MARCHF1: variants seen among roughly 807,000 people sequenced by gnomAD.
MARCHF1 encodes membrane associated ring-CH-type finger 1, also known as E3 ubiquitin-protein ligase MARCHF1.
MARCHF1 carries 40 observed loss-of-function variants against 54.2 expected under a neutral mutation model. That is an observed-to-expected ratio of 0.74 (90% CI 0.57 to 0.96). The LOEUF (loss-of-function observed/expected upper bound fraction) is 0.96, where lower values mean the gene tolerates loss of function less well. Ranked by LOEUF, MARCHF1 falls within the 40% of genes least tolerant of loss-of-function variation. MARCHF1 has a pLI of 0.00. For missense variants in MARCHF1, 586 were observed against 656.5 expected (o/e 0.89, Z 1.17); for synonymous variants, 236 against 236.3 (o/e 1.00, Z 0.01).
At chr4:163,746,888 C>T (rs1746378051) in intron 4 of MARCHF1, among the ~76,000 whole-genome samples, 1 of 152,152 alleles carries the variant, frequency 6.6e-6, no homozygotes, top group African/African-American at 2.4e-5. Context: ...GATTGAGGCT[C>T]CTTTCTCAGA....
At chr4:163,641,546 G>A (rs921820990) in intron 5 of MARCHF1, among the ~76,000 whole-genome samples, 1 of 152,134 alleles carries the variant, frequency 6.6e-6, no homozygotes, top group African/African-American at 2.4e-5. Context: ...TAATTCCTGT[G>A]TTCATACAGG....
chr4:164,049,550 A>C (rs893062152), intron 2 of MARCHF1, among the ~76,000 whole-genome samples: 1 of 152,316 alleles, frequency 6.6e-6, no homozygotes, highest in South Asian at 2.1e-4. Flanking sequence ...GATACAAAAC[A>C]TAATTTAGTA....
At chr4:163,680,454 A>T (rs970675174) in intron 5 of MARCHF1, among the ~76,000 whole-genome samples, 4 of 152,112 alleles carry the variant, frequency 2.6e-5, no homozygotes, top group Admixed American at 6.5e-5. Flanking sequence ...TCTTTGTCAA[A>T]CCTAATAATC....
At chr4:163,701,668 T>C (rs1057357365) in intron 4 of MARCHF1, among the ~76,000 whole-genome samples, 5 of 152,028 alleles carry the variant, frequency 3.3e-5, no homozygotes, top group Non-Finnish European at 7.4e-5. Context: ...AAAATCAGAG[T>C]TTATAAGCAT....
chr4:163,821,033 C>T (rs549348944), intron 4 of MARCHF1, among the ~76,000 whole-genome samples: 404 of 152,178 alleles, frequency 2.7e-3, no homozygotes, highest in Non-Finnish European at 4.2e-3. Flanking sequence ...GGTCCTGGCT[C>T]CACCTCTCTA....
chr4:163,920,716 C>G (rs546114792), intron 3 of MARCHF1, among the ~76,000 whole-genome samples: 6 of 152,190 alleles, frequency 3.9e-5, no homozygotes, highest in African/African-American at 1.4e-4. Flanking sequence ...GGGCCAAGAG[C>G]TGGGAAACAT....
intron 5 of MARCHF1, among the ~76,000 whole-genome samples, chr4:163,636,260 G>A (rs1323033124): frequency 6.6e-6 from 1 of 150,940 alleles, no homozygotes; most frequent in Non-Finnish European, 1.5e-5. Flanking sequence ...TTAGGCAGGA[G>A]AAGGAAATAA....
chr4:164,109,082 G>A lies in MARCHF1; in HGVS notation c.-248+2506C>T, dbSNP rs114161304. 3.0e-3 allele frequency among the ~76,000 whole-genome samples: 452 copies of A among 152,122 alleles called. 3 individuals carry two copies. Among genetic ancestry groups the A allele is most frequent in the African/African-American group, 0.01 (424 of 41,544 alleles). ...TATTCGACTGGGACCATTGTTGAGCGTGAGATGCTTTGTGAAACCTGTTAC... is the reference window on the plus strand; with the variant it reads ...TATTCGACTGGGACCATTGTTGAGCATGAGATGCTTTGTGAAACCTGTTAC... On this transcript the variant is annotated intron_variant, in intron 2 of 9. Transcript: ENST00000514618.
chr4:163,965,955 A>G (rs1449364263), intron 3 of MARCHF1, among the ~76,000 whole-genome samples: 2 of 152,056 alleles, frequency 1.3e-5, no homozygotes, highest in African/African-American at 4.8e-5. Flanking sequence ...GAAATTTATG[A>G]TATACCCTGA....
chr4:164,329,011 A>T (rs1203176177), intron 1 of MARCHF1, among the ~76,000 whole-genome samples: 2 of 152,200 alleles, frequency 1.3e-5, no homozygotes, highest in African/African-American at 4.8e-5. Context: ...CACCAACCTA[A>T]GTATACATGT....
chr4:164,219,231 A>AGTTG, intron 1 of MARCHF1, among the ~76,000 whole-genome samples: 1 of 150,808 alleles, frequency 6.6e-6, no homozygotes, highest in East Asian at 2.0e-4. Flanking sequence ...TTAAATATTT[A>AGTTG]TATAGTTATC....
At chr4:164,338,412 T>C (rs1407490345) in intron 1 of MARCHF1, among the ~76,000 whole-genome samples, 1 of 152,186 alleles carries the variant, frequency 6.6e-6, no homozygotes, top group Non-Finnish European at 1.5e-5. Context: ...AAAATGATTA[T>C]AGTAAGTCCT....
At chr4:163,625,560 G>T (rs748466390) in intron 5 of MARCHF1, among the ~76,000 whole-genome samples, 1 of 152,220 alleles carries the variant, frequency 6.6e-6, no homozygotes, top group Admixed American at 6.5e-5. Flanking sequence ...TATGCTGATT[G>T]CAGTAGAGAT....
intron 2 of MARCHF1, among the ~76,000 whole-genome samples, chr4:164,052,192 C>A (rs1430264373): frequency 6.6e-6 from 1 of 151,282 alleles, no homozygotes; most frequent in Non-Finnish European, 1.5e-5. Context: ...GCAAACAGCC[C>A]TGGAAGTTAG....
At chr4:164,088,590 T>G (rs1395433738) in intron 2 of MARCHF1, among the ~76,000 whole-genome samples, 1 of 151,870 alleles carries the variant, frequency 6.6e-6, no homozygotes, top group African/African-American at 2.4e-5. Flanking sequence ...ATACAAACTT[T>G]GGGCTGGCAT....
intron 5 of MARCHF1, among the ~76,000 whole-genome samples, chr4:163,622,548 T>A (rs1380939929): frequency 6.6e-6 from 1 of 152,198 alleles, no homozygotes; most frequent in African/African-American, 2.4e-5. Flanking sequence ...CTTCCTTATA[T>A]TGTGCAAAAT....
intron 2 of MARCHF1, among the ~76,000 whole-genome samples, chr4:164,099,713 C>T (rs1378961013): frequency 6.6e-6 from 1 of 151,790 alleles, no homozygotes; most frequent in African/African-American, 2.4e-5. Flanking sequence ...GTTTGTCATG[C>T]TTAAAAAAAC....
At chr4:164,269,203 A>G (rs1733683307) in intron 1 of MARCHF1, among the ~76,000 whole-genome samples, 1 of 152,166 alleles carries the variant, frequency 6.6e-6, no homozygotes, top group Non-Finnish European at 1.5e-5. Context: ...CACGATAAGC[A>G]CTATCACAAG....
rs1741380750 is a variant in MARCHF1 at position 163,612,611 on chromosome 4, C to T, written c.670G>A (p.Glu224Lys). The T allele has an allele frequency of 6.5e-7, 1 of 1,535,456 alleles. No homozygotes were observed. Among genetic ancestry groups the T allele is most frequent in the South Asian group, 1.2e-5 (1 of 84,044 alleles). ...SKGKEQQELI[E>K]CESCSLNLHR... ...AGATTTAAAGAGCAACTCTCACATTCAATCAGCTCTTGTTGCTCTTTACCT... is the reference window on the plus strand; with the variant it reads ...AGATTTAAAGAGCAACTCTCACATTTAATCAGCTCTTGTTGCTCTTTACCT... Residue 224 changes from glutamate (E) to lysine (K), a missense_variant, in exon 7 of 10, where the codon GAA (glutamate) becomes AAA (lysine). Coordinates refer to ENST00000514618, the MANE Select transcript of MARCHF1 (RefSeq NM_001394959.1).
Sources: gnomAD v4.1 joint callset for allele counts (sites outside exome capture counted in the v4.1 genomes callset) on GRCh38, gnomAD v4.1.1 for gene constraint, MANE v1.5 for transcripts, NCBI Gene and HGNC (gene_info 2026-07-23, HGNC 2026-07-21) for gene names.